Variants in TNIK observed in about 807,000 individuals in gnomAD.
The protein encoded by TNIK is TRAF2 and NCK interacting kinase, also known as TRAF2 and NCK-interacting protein kinase.
Under a neutral mutation model 191.3 loss-of-function variants are expected in TNIK, and 49 were observed. That is an observed-to-expected ratio of 0.26 (90% CI 0.20 to 0.32). TNIK has a LOEUF of 0.32. TNIK is among the 10% of genes least tolerant of loss of function. The pLI is 1.00. For synonymous variants in TNIK, 594 were observed against 600.9 expected, an observed-to-expected ratio of 0.99 and a Z score of 0.17; for missense variants, 1,155 against 1,702.3, an observed-to-expected ratio of 0.68 and a Z score of 5.66.
At chr3:171,135,105 G>A (rs932828433) in intron 15 of TNIK, among the ~76,000 whole-genome samples, 3 of 152,112 alleles carry the variant, frequency 2.0e-5, no homozygotes, top group Admixed American at 6.6e-5. Flanking sequence ...AAAGAAAATG[G>A]CATCCTTTTA....
At chr3:171,275,897 A>AAAAT (rs71176599) in intron 2 of TNIK, among the ~76,000 whole-genome samples, 36,599 of 149,970 alleles carry the variant, frequency 0.24, 4,613 homozygotes, top group South Asian at 0.27. Context: ...ACTCCGTCTC[A>AAAAT]AAATAAATAA....
chr3:171,392,063 T>C (rs909050506), intron 1 of TNIK, among the ~76,000 whole-genome samples: 18 of 152,154 alleles, frequency 1.2e-4, no homozygotes, highest in Admixed American at 5.9e-4. Flanking sequence ...TGCTGAAGAA[T>C]AACTAGAATT....
chr3:171,347,127 G>A (rs771940498), intron 2 of TNIK: 36 of 1,508,356 alleles, frequency 2.4e-5, no homozygotes, highest in Non-Finnish European at 3.1e-5. Context: ...GATCAGCTGG[G>A]CTTGGTGATG....
chr3:171,365,197 T>TTTTTTTTTTTTC (rs1224095923), intron 2 of TNIK, among the ~76,000 whole-genome samples: 2 of 107,852 alleles, frequency 1.9e-5, no homozygotes, highest in South Asian at 7.2e-4. Context: ...TTTTTTTTTT[T>TTTTTTTTTTTTC]TTGAGACAGA....
intron 2 of TNIK, among the ~76,000 whole-genome samples, chr3:171,252,875 A>C (rs1361892791): frequency 6.6e-6 from 1 of 152,200 alleles, no homozygotes; most frequent in Non-Finnish European, 1.5e-5. Flanking sequence ...AGACAGGAAA[A>C]ATGGGCACTT....
chr3:171,140,262 G>A (rs1730624794), intron 13 of TNIK, 137 bp downstream of exon 13: 1 of 676,686 alleles, frequency 1.5e-6, no homozygotes, highest in Non-Finnish European at 2.4e-6. Flanking sequence ...TCTTGAATAG[G>A]TGAGCATAAT....
chr3:171,084,122 TTAAAAA>T, intron 26 of TNIK, 27 bp downstream of exon 26: 1 of 1,446,972 alleles, frequency 6.9e-7, no homozygotes, highest in Non-Finnish European at 9.2e-7. Flanking sequence ...GAGTGGTTAT[TTAAAAA>T]AAAAAAAAAA....
chr3:171,368,539 G>C (rs1374280345), intron 2 of TNIK, among the ~76,000 whole-genome samples: 1 of 152,116 alleles, frequency 6.6e-6, no homozygotes, highest in Non-Finnish European at 1.5e-5. Context: ...TACAATTTAG[G>C]AAATAATCGT....
intron 28 of TNIK, among the ~76,000 whole-genome samples, chr3:171,071,579 T>G (rs926902676): frequency 6.6e-6 from 1 of 152,150 alleles, no homozygotes; most frequent in African/African-American, 2.4e-5. Context: ...ATATAACTGC[T>G]TAGGACTGTC....
chr3:171,305,158 T>G (rs2108282782), intron 2 of TNIK, among the ~76,000 whole-genome samples: 1 of 151,892 alleles, frequency 6.6e-6, no homozygotes, highest in Middle Eastern at 3.5e-3. Flanking sequence ...CACTAGTCAC[T>G]TAGAGAGCTA....
chr3:171,233,398 C>A (rs1041677928), intron 2 of TNIK, among the ~76,000 whole-genome samples: 1 of 152,068 alleles, frequency 6.6e-6, no homozygotes, highest in Admixed American at 6.5e-5. Context: ...GTAATGGCAG[C>A]TGTTGTTTTA....
intron 1 of TNIK, among the ~76,000 whole-genome samples, chr3:171,415,445 T>A (rs1201639474): frequency 6.6e-6 from 1 of 152,160 alleles, no homozygotes; most frequent in African/African-American, 2.4e-5. Context: ...ACCTATTGCA[T>A]AAAGGAATGC....
intron 12 of TNIK, among the ~76,000 whole-genome samples, chr3:171,149,556 C>T (rs889953391): frequency 6.6e-6 from 1 of 152,172 alleles, no homozygotes; most frequent in Non-Finnish European, 1.5e-5. Context: ...TCCTTTGGCA[C>T]AACACGTAAG....
In TNIK at chr3:171,394,831, C is replaced by T. The variant is rs114971758; in HGVS notation, c.58-25146G>A. 7.5e-3 allele frequency among the ~76,000 whole-genome samples: 1,141 copies of T among 152,336 alleles called. 11 individuals carry two copies. The highest frequency in any genetic ancestry group is 0.026 in the African/African-American group (1,079 of 41,580). On this transcript the variant is annotated intron_variant, in intron 1 of 32. Coordinates refer to ENST00000436636, the MANE Select transcript of TNIK (RefSeq NM_015028.4). The stretch of plus-strand genomic sequence containing the variant: ...CCATCTGGCATTGATCAAATACTGC[C>T]TTTGCCTATGAAGCACCTTTTTAAA...
chr3:171,224,653 C>T (rs1270787848), intron 3 of TNIK, among the ~76,000 whole-genome samples: 2 of 152,112 alleles, frequency 1.3e-5, no homozygotes, highest in African/African-American at 2.4e-5. Context: ...TTGCATTTCT[C>T]ATGAGTACTT....
At chr3:171,176,155 T>A (rs1735929636) in intron 8 of TNIK, among the ~76,000 whole-genome samples, 1 of 152,228 alleles carries the variant, frequency 6.6e-6, no homozygotes, top group African/African-American at 2.4e-5. Context: ...AAGTTTATTT[T>A]TAGCCCTGTC....
chr3:171,438,365 C>T (rs1028391714), intron 1 of TNIK, among the ~76,000 whole-genome samples: 10 of 152,308 alleles, frequency 6.6e-5, no homozygotes, highest in African/African-American at 2.4e-4. Flanking sequence ...AATCCCTCCT[C>T]TTAAAGGCTA....
intron 2 of TNIK, among the ~76,000 whole-genome samples, chr3:171,335,326 T>C (rs1577521648): frequency 1.3e-5 from 2 of 152,204 alleles, no homozygotes; most frequent in African/African-American, 4.8e-5. Context: ...TATGTTAAAA[T>C]TCACCCATCT....
chr3:171,362,017 C>T (rs1715052736), intron 2 of TNIK, among the ~76,000 whole-genome samples: 1 of 152,134 alleles, frequency 6.6e-6, no homozygotes, highest in Admixed American at 6.5e-5. Context: ...TGCTGCTCCA[C>T]ACCCCTTCAC....
Sources: allele counts gnomAD v4.1 joint callset (sites outside exome capture counted in the v4.1 genomes callset), GRCh38; gene constraint gnomAD v4.1.1; transcripts MANE v1.5; gene names NCBI Gene and HGNC (gene_info 2026-07-23, HGNC 2026-07-21).